The following ERCC5 variants were observed in gnomAD, a reference collection of about 807,000 sequenced individuals.
The protein encoded by ERCC5 is DNA excision repair protein ERCC-5.
A neutral mutation model predicts 105.6 loss-of-function variants in ERCC5; 68 were observed. That is an observed-to-expected ratio of 0.64 (90% CI 0.53 to 0.79). The LOEUF is 0.79. Ranked by LOEUF, ERCC5 falls within the 30% of genes least tolerant of loss-of-function variation. The pLI, the probability that ERCC5 is intolerant of heterozygous loss-of-function variation, is 0.00. For synonymous variants in ERCC5, 546 were observed against 526.2 expected (o/e 1.04, Z -0.51); for missense variants, 1,373 against 1,426.7 (o/e 0.96, Z 0.61).
intron 8 of ERCC5, among the ~76,000 whole-genome samples, chr13:102,864,480 A>G (rs796922730): frequency 7.2e-5 from 11 of 152,086 alleles, no homozygotes; most frequent in East Asian, 1.9e-4. Context: ...CTGTATTCCT[A>G]TTTAGTGAGT....
rs755580765 is a variant in ERCC5 at position 102,865,624 on chromosome 13, A to T, written c.1955-43A>T. 6.2e-7 allele frequency: 1 copy of T among 1,608,740 alleles called. No individual in the cohort carries two copies. ...TCTTGATGATTGCAGGATCATTTTA[A>T]TGTTTTGATTGTAGATGAAGTGACC... On this transcript the variant is annotated intron_variant, in intron 8 of 14. Transcript: ENST00000652225. This position sits in a 1 kb window ranked among gnomAD's most constrained non-coding sequence, Gnocchi z 4.0.
In ERCC5 at chr13:102,865,880, A is replaced by G; in HGVS notation, c.2168A>G (p.Asp723Gly). The change falls in exon 9 of 15, where the codon GAT (aspartate) becomes GGT (glycine). Residue 723 changes from aspartate (D) to glycine (G), a missense_variant. By Grantham distance (94) the Asp-to-Gly change is moderately conservative. Coordinates refer to ENST00000652225, the MANE Select transcript of ERCC5 (RefSeq NM_000123.4). This position sits in a 1 kb window ranked among gnomAD's most constrained non-coding sequence, Gnocchi z 4.0. ...CAGGAAGCTGAGAAAGATGCGGAAG[A>G]TTCGCTCCATGAATGGCAAGATATT... ...EPQEAEKDAE[D>G]SLHEWQDINL... 6.2e-7 allele frequency: 1 copy of G among 1,614,236 alleles called. No individual in the cohort carries two copies. Among genetic ancestry groups the G allele is most frequent in the Non-Finnish European group, 8.5e-7 (1 of 1,180,048 alleles).
In ERCC5 at chr13:102,875,759, G is replaced by T. The variant is rs1260441560; in HGVS notation, c.3417G>T (p.Lys1139Asn). ...SQNSVKEAPV[K>N]NGGATTSSSS... ...ACTCAGTGAAGGAAGCTCCCGTGAAGAATGGAGGTGCGACCACCAGCAGCT... is the reference window on the plus strand; with the variant it reads ...ACTCAGTGAAGGAAGCTCCCGTGAATAATGGAGGTGCGACCACCAGCAGCT... The change falls in exon 15 of 15, where the codon AAG (lysine) becomes AAT (asparagine). Residue 1139 changes from lysine (K) to asparagine (N), a missense_variant. Transcript: ENST00000652225. 6.2e-7 allele frequency: 1 copy of T among 1,614,004 alleles called. No homozygotes were observed. The highest frequency in any genetic ancestry group is 1.3e-5 in the African/African-American group (1 of 74,900).
chr13:102,867,061 A>G (rs1882866278), intron 11 of ERCC5, among the ~76,000 whole-genome samples: 2 of 152,146 alleles, frequency 1.3e-5, no homozygotes, highest in African/African-American at 2.4e-5. Context: ...TAGTTAATCA[A>G]CTGACTTAGT....
chr13:102,855,788 C>T (rs1304115604), intron 4 of ERCC5, among the ~76,000 whole-genome samples: 1 of 152,158 alleles, frequency 6.6e-6, no homozygotes. Context: ...TCCTGGAAAG[C>T]TTTTGTGACT....
In ERCC5 at chr13:102,866,646, G is replaced by C; in HGVS notation, c.2334G>C (p.Leu778=). The C allele has an allele frequency of 1.2e-6, 2 of 1,613,528 alleles. No individual in the cohort carries two copies. Among genetic ancestry groups the C allele is most frequent in the Non-Finnish European group, 1.7e-6 (2 of 1,179,966 alleles). The change falls in exon 11 of 15, where the codon CTG becomes CTC. Residue 778 remains leucine, a synonymous_variant. Transcript: ENST00000652225. ...TCACTCTGCAGGAACTCCTGCGCCT[G>C]TTCGGCATTCCCTACATCCAGGCTC... ...MFLESQELLR[L]FGIPYIQAPM... is the part of the protein sequence containing the mutation.
At chr13:102,854,036 GT>G in intron 3 of ERCC5, 164 bp downstream of exon 3, 2 of 767,658 alleles carry the variant, frequency 2.6e-6, no homozygotes, top group Non-Finnish European at 4.3e-6. Flanking sequence ...ATTTGGAGTT[GT>G]GGCAATTCTC....
Position 102,861,428 on chromosome 13 carries a change from T to G in ERCC5, c.673-79T>G, listed in dbSNP as rs1298030334. ...AAGCCAATTGTTCTTTGTTCCCTGT[T>G]GGGGAAAGGGTGGAAATATGGTAAT... On this transcript the variant is annotated intron_variant, in intron 6 of 14. Coordinates refer to ENST00000652225, the MANE Select transcript of ERCC5 (RefSeq NM_000123.4). 8.0e-6 allele frequency: 12 copies of G among 1,491,284 alleles called. No individual in the cohort carries two copies. In the Middle Eastern group the frequency reaches 7.1e-4, roughly 89 times the overall value. 92.4% of individuals were successfully genotyped at this position (1,491,284 alleles called of 1,614,324 possible).
intron 12 of ERCC5, among the ~76,000 whole-genome samples, chr13:102,871,462 AG>A (rs1203559846): frequency 6.6e-6 from 1 of 152,200 alleles, no homozygotes; most frequent in East Asian, 1.9e-4. Context: ...AATATTGCCT[AG>A]CACACAGCGA....
At position 102,873,317 on chromosome 13, in the gene ERCC5, G is replaced by A. The variant is rs2140540002; in HGVS notation, c.2938G>A (p.Val980Ile). 1.2e-6 allele frequency: 2 copies of A among 1,614,088 alleles called. No homozygotes were observed. Among genetic ancestry groups the A allele is most frequent in the East Asian group, 2.2e-5 (1 of 44,862 alleles). ...GAAGACAGATGAATCTCTGTTTCCT[G>A]TATTAAAGCAACTCGATGCCCAGCA... ...RTKTDESLFP[V>I]LKQLDAQQTQ... The change falls in exon 14 of 15, where the codon GTA becomes ATA. Residue 980 changes from valine (V) to isoleucine (I), a missense_variant. Transcript: ENST00000652225.
At chr13:102,850,710 T>C (rs982386811) in intron 1 of ERCC5, among the ~76,000 whole-genome samples, 1 of 152,146 alleles carries the variant, frequency 6.6e-6, no homozygotes, top group Non-Finnish European at 1.5e-5. Flanking sequence ...GAGTTCAGTT[T>C]TGATCATGTT....
intron 14 of ERCC5, among the ~76,000 whole-genome samples, chr13:102,874,574 T>C (rs900646179): frequency 6.6e-6 from 1 of 152,164 alleles, no homozygotes; most frequent in Non-Finnish European, 1.5e-5. Context: ...CAGGCTGGAG[T>C]GCAGTGGTGA....
At chr13:102,872,807 T>C (rs1383282508) in intron 13 of ERCC5, among the ~76,000 whole-genome samples, 1 of 152,242 alleles carries the variant, frequency 6.6e-6, no homozygotes, top group African/African-American at 2.4e-5. Context: ...TTAAATATTA[T>C]TGATTCTGAA....
intron 1 of ERCC5, among the ~76,000 whole-genome samples, chr13:102,846,792 T>C (rs553177914): frequency 1.3e-5 from 2 of 152,246 alleles, no homozygotes; most frequent in African/African-American, 2.4e-5. Context: ...CCGTGGTAGG[T>C]TGATTGCGGA....
chr13:102,852,916 TA>T (rs1423041217), intron 2 of ERCC5, among the ~76,000 whole-genome samples: 1 of 152,198 alleles, frequency 6.6e-6, no homozygotes, highest in South Asian at 2.1e-4. Context: ...ACCCCATCTC[TA>T]AAAAAATGAC....
rs529576463 is a variant in ERCC5 at position 102,852,447 on chromosome 13, CAATT to C, written c.264+159_264+162del. On this transcript the variant is annotated intron_variant, in intron 2 of 14. Transcript: ENST00000652225. ...ATTACATCTACTTTTTTATCTTGAACAATTAATTTTTCTTTTAAAAAGTTTTATG... is the reference window on the plus strand; with the variant it reads ...ATTACATCTACTTTTTTATCTTGAACAATTTTTCTTTTAAAAAGTTTTATG... 1.5e-3 allele frequency among the ~76,000 whole-genome samples: 221 copies of C among 152,212 alleles called. 1 individual carries two copies. Among genetic ancestry groups the C allele is most frequent in the African/African-American group, 4.9e-3 (204 of 41,532 alleles).
rs374747511 is a variant in ERCC5 at position 102,875,631 on chromosome 13, T to G, written c.3289T>G (p.Ser1097Ala). Residue 1097 changes from serine (S) to alanine (A), a missense_variant, in exon 15 of 15, where the codon TCT (serine) becomes GCT (alanine). By Grantham distance (99) the Ser-to-Ala change is moderately conservative (BLOSUM62 1). Coordinates refer to ENST00000652225, the MANE Select transcript of ERCC5 (RefSeq NM_000123.4). Reference protein sequence around the residue: ...FLGETCLSESSDGSSSEDAES... With the variant: ...FLGETCLSESADGSSSEDAES... ...GGGGGAGACCTGCCTCTCAGAATCA[T>G]CTGATGGATCTTCAAGTGAAGATGC... is the stretch of plus-strand genomic sequence containing the variant. 1 of 1,613,956 alleles carries G rather than the reference T, an allele frequency of 6.2e-7. No individual in the cohort carries two copies. Among genetic ancestry groups the G allele is most frequent in the African/African-American group, 1.3e-5 (1 of 74,926 alleles).
chr13:102,857,209 A>G (rs1046446129), intron 5 of ERCC5, among the ~76,000 whole-genome samples: 2 of 152,174 alleles, frequency 1.3e-5, no homozygotes, highest in African/African-American at 4.8e-5. Context: ...GAGATCCTTC[A>G]GGTTGCGGAG....
intron 5 of ERCC5, among the ~76,000 whole-genome samples, chr13:102,857,864 G>A (rs527903381): frequency 5.1e-4 from 78 of 151,878 alleles, no homozygotes; most frequent in Admixed American, 1.2e-3. Context: ...TTTTTTCCAC[G>A]TTCTGTTCAT....
Sources: allele counts gnomAD v4.1 joint callset (sites outside exome capture counted in the v4.1 genomes callset), GRCh38; gene constraint gnomAD v4.1.1; non-coding constraint Gnocchi (gnomAD v3.1); transcripts MANE v1.5; gene names NCBI Gene and HGNC (gene_info 2026-07-23, HGNC 2026-07-21).